The following TMPRSS2 variants were observed in gnomAD, a reference collection of about 807,000 sequenced individuals.
TMPRSS2 encodes the protein transmembrane serine protease 2.
In TMPRSS2, 59 loss-of-function variants were observed where a neutral mutation model predicts 67.4. That is an observed-to-expected ratio of 0.88 (90% CI 0.71 to 1.09). TMPRSS2 has a LOEUF of 1.09. Among genes scored for constraint, TMPRSS2 ranks in the 50% least tolerant of loss-of-function variants. The pLI, the probability that TMPRSS2 is intolerant of heterozygous loss-of-function variation, is 0.00. For synonymous variants in TMPRSS2, 257 were observed against 257.0 expected, an observed-to-expected ratio of 1.00 and a Z score of 0.00; for missense variants, 668 against 642.7, an observed-to-expected ratio of 1.04 and a Z score of -0.43.
intron 5 of TMPRSS2, among the ~76,000 whole-genome samples, chr21:41,481,192 A>G (rs1460258271): frequency 6.6e-6 from 1 of 152,218 alleles, no homozygotes; most frequent in African/African-American, 2.4e-5. Context: ...ACGCCCACCA[A>G]CGGCTGGGTG....
intron 1 of TMPRSS2, chr21:41,506,311 A>C (rs1230973414): frequency 6.6e-6 from 1 of 152,286 alleles, no homozygotes; most frequent in East Asian, 1.9e-4. Context: ...CCAGCTGATA[A>C]TTAAAAATAA....
At chr21:41,489,251 CA>C (rs922552744) in intron 4 of TMPRSS2, among the ~76,000 whole-genome samples, 4 of 152,196 alleles carry the variant, frequency 2.6e-5, no homozygotes, top group African/African-American at 9.7e-5. Flanking sequence ...GGTGTGGCCC[CA>C]AGGTAGAAGA....
chr21:41,483,440 C>T (rs888596757), intron 5 of TMPRSS2, among the ~76,000 whole-genome samples: 1 of 152,024 alleles, frequency 6.6e-6, no homozygotes, highest in African/African-American at 2.4e-5. Context: ...TGCACCACCA[C>T]GCCGGCTAAT....
At chr21:41,489,792 G>A (rs1260877932) in intron 3 of TMPRSS2, among the ~76,000 whole-genome samples, 199 bp from the exon 4 acceptor site, 1 of 152,172 alleles carries the variant, frequency 6.6e-6, no homozygotes, top group Non-Finnish European at 1.5e-5. Context: ...GCAATTTGGA[G>A]ACCAACAGGA....
rs779855877 is a variant in TMPRSS2 at position 41,476,630 on chromosome 21, G to C, written c.684-10C>G. ...TGAAGAACAGGCATCACTGCAAAAA[G>C]AACAGGGGAAATTCTGGTCACGATA... On this transcript the variant is annotated splice_polypyrimidine_tract_variant and intron_variant, in intron 7 of 13. Transcript: ENST00000332149. 1 of 1,489,336 alleles carries C rather than the reference G, an allele frequency of 6.7e-7. No homozygotes were observed. The highest frequency in any genetic ancestry group is 9.0e-7 in the Non-Finnish European group (1 of 1,113,842). 92.3% of individuals were successfully genotyped at this position (1,489,336 alleles called of 1,614,324 possible).
rs189793246 is a variant in TMPRSS2, at chr21:41,469,003, A to G, written c.1172-465T>C. Among the ~76,000 whole-genome samples the G allele has an allele frequency of 3.1e-4, 47 of 152,066 alleles. 1 individual carries two copies. The East Asian group carries it at 7.9e-3, about 26-fold the overall frequency. ...CCTGCACATTAGAGCTTCTCAAGAC[A>G]CGGCCTGCACTTGCCACCTCTGCAT... is the stretch of plus-strand genomic sequence containing the variant. On this transcript the variant is annotated intron_variant, in intron 11 of 13. Transcript: ENST00000332149.
At chr21:41,479,150 T>C in intron 7 of TMPRSS2, 22 bp downstream of exon 7, 1 of 1,591,542 alleles carries the variant, frequency 6.3e-7, no homozygotes, top group Non-Finnish European at 8.6e-7. Flanking sequence ...CCAAAATTTT[T>C]CAAGAAGAAA....
intron 1 of TMPRSS2, among the ~76,000 whole-genome samples, chr21:41,506,185 G>C (rs549230369): frequency 6.6e-6 from 1 of 152,342 alleles, no homozygotes; most frequent in African/African-American, 2.4e-5. Flanking sequence ...CCTGCCTGAG[G>C]CTCCAGCAAC....
chr21:41,506,994 G>A (rs1314211647), intron 1 of TMPRSS2, among the ~76,000 whole-genome samples: 1 of 152,172 alleles, frequency 6.6e-6, no homozygotes, highest in Non-Finnish European at 1.5e-5. Flanking sequence ...TCGGGCCGCC[G>A]TGCTATCCTT....
chr21:41,480,920 G>A (rs2091252464), intron 5 of TMPRSS2, among the ~76,000 whole-genome samples: 2 of 152,318 alleles, frequency 1.3e-5, no homozygotes, highest in African/African-American at 4.8e-5. Context: ...TTACAGGCGT[G>A]AGCCATTGCA....
intron 8 of TMPRSS2, 21 bp from the exon 9 acceptor site, chr21:41,473,517 G>T: frequency 6.3e-7 from 1 of 1,596,058 alleles, no homozygotes; most frequent in Non-Finnish European, 8.5e-7. Flanking sequence ...CAAACAGGAG[G>T]CCAGTGGGGT....
intron 3 of TMPRSS2, among the ~76,000 whole-genome samples, chr21:41,490,403 A>C (rs1196576903): frequency 1.3e-5 from 2 of 152,180 alleles, no homozygotes; most frequent in Non-Finnish European, 2.9e-5. Flanking sequence ...CTATTTAATT[A>C]ATGTCCCATG....
chr21:41,465,702 C>T lies in TMPRSS2; in HGVS notation c.*440G>A. 1 of 259,928 alleles carries T rather than the reference C, an allele frequency of 3.8e-6. No individual in the cohort carries two copies. The highest frequency in any genetic ancestry group is 7.3e-6 in the Non-Finnish European group (1 of 136,178). The allele number at this position is 259,928 out of a possible 1,614,324, so 16.1% of individuals were successfully genotyped here. A position where few individuals can be genotyped will look rare whatever the true frequency, so the allele number is the denominator to read the frequency against. On this transcript the variant is annotated 3_prime_UTR_variant, in exon 14 of 14. Transcript: ENST00000332149. ...CTTGTGGAGAGGTAGGCTGGGGACA[C>T]TACCAAGTGGCCCCAGAGGGCAGCC...
At chr21:41,468,152 T>C (rs1442384668) in intron 12 of TMPRSS2, 4 of 617,802 alleles carry the variant, frequency 6.5e-6, no homozygotes, top group South Asian at 6.3e-5. Context: ...TAAATACTTG[T>C]TTCTGTTCCA....
rs2091076155 is a variant in TMPRSS2 at position 41,465,478 on chromosome 21, G to C, written c.*664C>G. On this transcript the variant is annotated 3_prime_UTR_variant, in exon 14 of 14. Coordinates refer to ENST00000332149, the MANE Select transcript of TMPRSS2 (RefSeq NM_005656.4). ...AATGTGCAGGTGGAGACCTGCACCA[G>C]GAGTGCTCAGGGCAAGTTCCTTTTC... The C allele has an allele frequency of 2.1e-5, 5 of 233,308 alleles. No homozygotes were observed. The allele number at this position is 233,308 out of a possible 1,614,324, so 14.5% of individuals were successfully genotyped here.
intron 1 of TMPRSS2, among the ~76,000 whole-genome samples, chr21:41,498,983 G>A (rs2091405331): frequency 6.6e-6 from 1 of 151,852 alleles, no homozygotes; most frequent in African/African-American, 2.4e-5. Flanking sequence ...ACGTCCACAG[G>A]CACTGCCAGT....
At chr21:41,467,273 C>T (rs2091093127) in intron 13 of TMPRSS2, among the ~76,000 whole-genome samples, 1 of 151,954 alleles carries the variant, frequency 6.6e-6, no homozygotes, top group African/African-American at 2.4e-5. Flanking sequence ...CCTGTAGTCC[C>T]AGCTACTTGG....
At chr21:41,501,067 T>C (rs1020738591) in intron 1 of TMPRSS2, among the ~76,000 whole-genome samples, 3 of 151,736 alleles carry the variant, frequency 2.0e-5, no homozygotes, top group Non-Finnish European at 4.4e-5. Context: ...CTGAAAGGAG[T>C]GAAGAATCAA....
chr21:41,500,919 C>G (rs1398799781), intron 1 of TMPRSS2, among the ~76,000 whole-genome samples: 1 of 152,178 alleles, frequency 6.6e-6, no homozygotes, highest in Non-Finnish European at 1.5e-5. Flanking sequence ...AGATTGCTTT[C>G]AAAGAGTCCT....
Sources: gnomAD v4.1 joint callset for allele counts (sites outside exome capture counted in the v4.1 genomes callset) on GRCh38, gnomAD v4.1.1 for gene constraint, MANE v1.5 for transcripts, NCBI Gene and HGNC (gene_info 2026-07-23, HGNC 2026-07-21) for gene names.